Variants in MYOF observed in about 807,000 individuals in gnomAD.
The protein encoded by MYOF is fer-1-like 3, myoferlin.
MYOF carries 244 observed loss-of-function variants against 284.2 expected under a neutral mutation model. The observed-to-expected ratio is 0.86, with a 90% confidence interval of 0.77 to 0.95. MYOF has a LOEUF of 0.95. MYOF is among the 40% of genes least tolerant of loss of function. The probability of loss-of-function intolerance (pLI) is 0.00; values close to 1 mark genes in which losing one functional copy is unlikely to be tolerated. For synonymous variants in MYOF, 904 were observed against 919.7 expected (o/e 0.98, Z 0.31); for missense variants, 2,496 against 2,560.6 (o/e 0.97, Z 0.54).
chr10:93,334,893 T>A (rs1843525730), intron 41 of MYOF, among the ~76,000 whole-genome samples: 1 of 152,116 alleles, frequency 6.6e-6, no homozygotes, highest in African/African-American at 2.4e-5. Context: ...AGACCACACA[T>A]CAGGCATCAT....
At chr10:93,434,503 A>G (rs1849025609) in intron 3 of MYOF, among the ~76,000 whole-genome samples, 1 of 151,980 alleles carries the variant, frequency 6.6e-6, no homozygotes, top group Admixed American at 6.6e-5. Context: ...CCAGAGGGAC[A>G]ATAGGGAACT....
At chr10:93,399,616 G>A (rs1198267910) in intron 12 of MYOF, 121 bp from the exon 13 acceptor site, 6 of 648,712 alleles carry the variant, frequency 9.2e-6, no homozygotes, top group Admixed American at 5.6e-5. Context: ...GCTCATGCCT[G>A]TAATCCCAGG....
intron 28 of MYOF, among the ~76,000 whole-genome samples, chr10:93,360,865 T>G (rs930393025): frequency 2.0e-5 from 3 of 152,100 alleles, no homozygotes; most frequent in Non-Finnish European, 1.5e-5. Flanking sequence ...CCCTCCCAAA[T>G]TCTCATCCTG....
chr10:93,379,549 A>G (rs558830643), intron 21 of MYOF, among the ~76,000 whole-genome samples: 4 of 152,214 alleles, frequency 2.6e-5, no homozygotes, highest in African/African-American at 7.2e-5. Flanking sequence ...GGCCTATGTC[A>G]TCTTCTCCCC....
In MYOF at chr10:93,409,651, C is replaced by T. The variant is rs752115954; in HGVS notation, c.522G>A (p.Ser174=). ...TGAGCCTCCGAGCAAGCTGAGCTTC[C>T]GACACCGTCCCAACTGGCCCCTTGG... ...PGPKGPVGTV[S]EAQLARRLTK... is the part of the protein sequence containing the mutation. The change falls in exon 6 of 54, where the codon TCG becomes TCA. Residue 174 remains serine (S), a synonymous_variant. Transcript: ENST00000359263. 2.2e-5 allele frequency: 36 copies of T among 1,614,118 alleles called. No homozygotes were observed. Among genetic ancestry groups the T allele is most frequent in the South Asian group, 6.6e-5 (6 of 91,092 alleles).
chr10:93,340,267 A>G, intron 38 of MYOF, 103 bp from the exon 39 acceptor site: 1 of 1,129,562 alleles, frequency 8.9e-7, no homozygotes, highest in Non-Finnish European at 1.3e-6. Context: ...AGAAGCAAAA[A>G]TTATTATTCA....
At chr10:93,354,407 C>G (rs1211471913) in intron 31 of MYOF, among the ~76,000 whole-genome samples, 1 of 152,008 alleles carries the variant, frequency 6.6e-6, no homozygotes, top group East Asian at 1.9e-4. Context: ...TTAAAAAATA[C>G]TACAGTAAGC....
At chr10:93,394,660 C>A (rs2134057834) in intron 16 of MYOF, among the ~76,000 whole-genome samples, 1 of 149,394 alleles carries the variant, frequency 6.7e-6, no homozygotes, top group Non-Finnish European at 1.5e-5. Context: ...CGGGGTTTCA[C>A]CGTGTTAGCC....
In MYOF at chr10:93,338,001, A is replaced by G. The variant is rs535586686; in HGVS notation, c.4339-88T>C. Reference sequence around the variant, plus strand: ...AAATGCATTTGTAATAGTTAAGAAGAAATAGGTTCTTCTGACCCTGTTAAA... The same window carrying G: ...AAATGCATTTGTAATAGTTAAGAAGGAATAGGTTCTTCTGACCCTGTTAAA... On this transcript the variant is annotated intron_variant, in intron 39 of 53. Transcript: ENST00000359263. The G allele has an allele frequency of 3.1e-6, 3 of 959,516 alleles. No individual in the cohort carries two copies. The African/African-American group carries it at 4.9e-5, about 16-fold the overall frequency. The allele number at this position is 959,516 out of a possible 1,614,324, so 59.4% of individuals were successfully genotyped here. A position where few individuals can be genotyped will look rare whatever the true frequency, so the allele number is the denominator to read the frequency against.
At chr10:93,337,734 T>G in intron 40 of MYOF, 81 bp downstream of exon 40, 1 of 1,202,638 alleles carries the variant, frequency 8.3e-7, no homozygotes. Flanking sequence ...CAAGGGACCT[T>G]TTAGTCATCC....
At chr10:93,394,786 T>G (rs190588944) in intron 16 of MYOF, among the ~76,000 whole-genome samples, 45 of 150,858 alleles carry the variant, frequency 3.0e-4, no homozygotes, top group African/African-American at 1.0e-3. Flanking sequence ...ATTGCTTTTT[T>G]TTTTCACTTC....
At chr10:93,340,194 G>C in intron 38 of MYOF, 30 bp from the exon 39 acceptor site, 1 of 1,613,704 alleles carries the variant, frequency 6.2e-7, no homozygotes, top group Non-Finnish European at 8.5e-7. Context: ...GTGAGGAAGA[G>C]GGCAAACCAT....
rs1482042547 is a variant in MYOF, at chr10:93,381,400, T to G, written c.1699-4A>C. ...ACTTCCGCCTTCGCTGGTATTTCTATAAAGTATGAGCAGACATAAGGTTCA... is the reference window on the plus strand; with the variant it reads ...ACTTCCGCCTTCGCTGGTATTTCTAGAAAGTATGAGCAGACATAAGGTTCA... On this transcript the variant is annotated splice_polypyrimidine_tract_variant and splice_region_variant and intron_variant, in intron 19 of 53. Transcript: ENST00000359263. The G allele has an allele frequency of 6.2e-7, 1 of 1,613,958 alleles. No individual in the cohort carries two copies. The highest frequency in any genetic ancestry group is 8.5e-7 in the Non-Finnish European group (1 of 1,179,962).
chr10:93,337,754 T>C, intron 40 of MYOF, 61 bp downstream of exon 40: 1 of 1,418,038 alleles, frequency 7.1e-7, no homozygotes, highest in Non-Finnish European at 9.9e-7. Context: ...CTCTTAGCTC[T>C]GCCTGTGGCC....
intron 4 of MYOF, among the ~76,000 whole-genome samples, chr10:93,427,522 C>T (rs1848648634): frequency 2.2e-5 from 2 of 92,320 alleles, no homozygotes; most frequent in South Asian, 9.0e-4. Flanking sequence ...CAGAGCTAGA[C>T]TCCGTCTCAA....
chr10:93,397,571 G>A (rs1847082599), intron 13 of MYOF, 115 bp from the exon 14 acceptor site: 4 of 605,674 alleles, frequency 6.6e-6, no homozygotes, highest in Non-Finnish European at 1.1e-5. Flanking sequence ...TTAGGAACCT[G>A]GTTAAACTTT....
At chr10:93,318,912 G>C (rs1442715898) in intron 49 of MYOF, among the ~76,000 whole-genome samples, 1 of 152,174 alleles carries the variant, frequency 6.6e-6, no homozygotes, top group African/African-American at 2.4e-5. Context: ...GAATGGAACA[G>C]GGCACCTATA....
chr10:93,397,536 T>C (rs1847080983), intron 13 of MYOF, 80 bp from the exon 14 acceptor site: 1 of 1,031,930 alleles, frequency 9.7e-7, no homozygotes, highest in Non-Finnish European at 1.4e-6. Context: ...TACTAGATTA[T>C]GACTTTAGCA....
At chr10:93,474,650 G>A (rs2057220356) in intron 1 of MYOF, among the ~76,000 whole-genome samples, 1 of 152,138 alleles carries the variant, frequency 6.6e-6, no homozygotes. Flanking sequence ...AATAGGTAAG[G>A]AGATTTATAG....
Sources: allele counts gnomAD v4.1 joint callset (sites outside exome capture counted in the v4.1 genomes callset), GRCh38; gene constraint gnomAD v4.1.1; transcripts MANE v1.5; gene names NCBI Gene and HGNC (gene_info 2026-07-23, HGNC 2026-07-21).